Variants in DCC observed in about 807,000 individuals in gnomAD.
DCC encodes DCC netrin 1 receptor.
Under a neutral mutation model 172.5 loss-of-function variants are expected in DCC, and 58 were observed. The ratio of observed to expected loss-of-function variants is 0.34; its 90% CI spans 0.27 to 0.42. The LOEUF (loss-of-function observed/expected upper bound fraction) is 0.42. DCC is among the 10% of genes least tolerant of loss of function. The pLI, the probability that DCC is intolerant of heterozygous loss-of-function variation, is 1.00. For missense variants in DCC, 1,740 were observed against 1,791.0 expected (o/e 0.97, Z 0.51); for synonymous variants, 709 against 644.5 (o/e 1.10, Z -1.52).
intron 1 of DCC, among the ~76,000 whole-genome samples, chr18:52,701,719 A>AC (rs61138901): frequency 0.91 from 138,960 of 152,156 alleles, 63,517 homozygotes; most frequent in Admixed American, 0.94. Context: ...ATTATGTTGG[A>AC]CTTTGTCACC....
At chr18:52,504,021 A>G (rs951016768) in intron 1 of DCC, among the ~76,000 whole-genome samples, 8 of 152,046 alleles carry the variant, frequency 5.3e-5, no homozygotes, top group Non-Finnish European at 7.4e-5. Context: ...TATAAACATA[A>G]ATGGAGCATT....
At chr18:53,381,342 G>T (rs1907716548) in intron 15 of DCC, among the ~76,000 whole-genome samples, 1 of 151,952 alleles carries the variant, frequency 6.6e-6, no homozygotes, top group African/African-American at 2.4e-5. Context: ...AAGCATCTGG[G>T]TGGTGGGAAC....
intron 1 of DCC, among the ~76,000 whole-genome samples, chr18:52,537,626 T>C (rs2032324339): frequency 6.6e-6 from 1 of 151,748 alleles, no homozygotes; most frequent in African/African-American, 2.4e-5. Flanking sequence ...CCAGCTTGTC[T>C]CACCAACTAT....
At chr18:52,806,996 C>T (rs2038097881) in intron 2 of DCC, among the ~76,000 whole-genome samples, 1 of 152,068 alleles carries the variant, frequency 6.6e-6, no homozygotes, top group Admixed American at 6.6e-5. Context: ...AAATCAAGAC[C>T]ACCCTGGCCA....
At chr18:53,416,065 T>C (rs1910293756) in intron 20 of DCC, 59 bp from the exon 21 acceptor site, 1 of 1,286,088 alleles carries the variant, frequency 7.8e-7, no homozygotes, top group African/African-American at 1.5e-5. Context: ...GTTTGATATG[T>C]CAGCTTTCTT....
At chr18:52,994,864 A>C (rs114139831) in intron 5 of DCC, among the ~76,000 whole-genome samples, 2,094 of 152,262 alleles carry the variant, frequency 0.014, 45 homozygotes, top group African/African-American at 0.048. Flanking sequence ...ACGTATGGTT[A>C]AAGACATCTT....
At chr18:52,756,572 C>A (rs1373872190) in intron 2 of DCC, among the ~76,000 whole-genome samples, 1 of 152,190 alleles carries the variant, frequency 6.6e-6, no homozygotes, top group Non-Finnish European at 1.5e-5. Flanking sequence ...CTATTGAAAA[C>A]TTTGTGATTA....
At chr18:53,405,015 C>A (rs575165562) in intron 19 of DCC, among the ~76,000 whole-genome samples, 1 of 151,948 alleles carries the variant, frequency 6.6e-6, no homozygotes, top group Non-Finnish European at 1.5e-5. Context: ...TAACAGGGAG[C>A]AAACAATAAG....
At chr18:52,650,230 C>T (rs1286301752) in intron 1 of DCC, among the ~76,000 whole-genome samples, 1 of 152,118 alleles carries the variant, frequency 6.6e-6, no homozygotes, top group Non-Finnish European at 1.5e-5. Context: ...CTGCCTGCCT[C>T]AGCCTCCTAC....
intron 1 of DCC, among the ~76,000 whole-genome samples, chr18:52,542,983 A>C (rs1345921904): frequency 1.3e-5 from 2 of 152,240 alleles, no homozygotes; most frequent in African/African-American, 4.8e-5. Flanking sequence ...CCTGCCCTTT[A>C]GTTCCATGAA....
intron 1 of DCC, among the ~76,000 whole-genome samples, chr18:52,515,616 A>AAAAAAAAAAAAAAAAAAAAT (rs2031608130): frequency 7.2e-6 from 1 of 139,664 alleles, no homozygotes; most frequent in Non-Finnish European, 1.6e-5. Context: ...CAAAAAAAAA[A>AAAAAAAAAAAAAAAAAAAAT]AAAAAAAAAA....
At chr18:53,120,587 T>C (rs1331691856) in intron 7 of DCC, among the ~76,000 whole-genome samples, 3 of 151,888 alleles carry the variant, frequency 2.0e-5, no homozygotes, top group African/African-American at 7.2e-5. Context: ...GAGGAAAAAT[T>C]GCTCTGCTAA....
intron 2 of DCC, among the ~76,000 whole-genome samples, chr18:52,861,612 T>C (rs986411017): frequency 1.3e-4 from 20 of 152,276 alleles, no homozygotes; most frequent in South Asian, 2.1e-4. Flanking sequence ...AATTCTTGAC[T>C]CTGGAAAACA....
intron 7 of DCC, among the ~76,000 whole-genome samples, chr18:53,092,058 C>T (rs771829071): frequency 1.7e-4 from 26 of 152,108 alleles, no homozygotes; most frequent in Admixed American, 2.6e-4. Context: ...CTAGGAAATT[C>T]AATACAGTAG....
At chr18:53,442,355 T>C (rs1912328136) in intron 22 of DCC, among the ~76,000 whole-genome samples, 2 of 152,206 alleles carry the variant, frequency 1.3e-5, no homozygotes, top group Admixed American at 6.5e-5. Context: ...TAAATTATTA[T>C]TATATCTGCT....
intron 5 of DCC, among the ~76,000 whole-genome samples, chr18:52,994,317 G>T (rs1032234105): frequency 1.3e-5 from 2 of 152,028 alleles, no homozygotes; most frequent in Non-Finnish European, 2.9e-5. Flanking sequence ...TTAGGAATGT[G>T]AGGAAAGTTG....
At chr18:53,321,018 T>C (rs2057405296) in intron 13 of DCC, among the ~76,000 whole-genome samples, 1 of 152,206 alleles carries the variant, frequency 6.6e-6, no homozygotes. Flanking sequence ...TAATCCTTTC[T>C]AACCATTATT....
At chr18:53,127,981 A>T (rs2043589956) in intron 7 of DCC, among the ~76,000 whole-genome samples, 1 of 152,178 alleles carries the variant, frequency 6.6e-6, no homozygotes, top group Non-Finnish European at 1.5e-5. Context: ...AGACTTTAAG[A>T]ACAATTTCAA....
intron 8 of DCC, among the ~76,000 whole-genome samples, chr18:53,168,239 A>T (rs1480176316): frequency 6.6e-6 from 1 of 152,152 alleles, no homozygotes; most frequent in African/African-American, 2.4e-5. Flanking sequence ...ATTATAAATC[A>T]TTCTACTATA....
Sources: allele counts gnomAD v4.1 joint callset (sites outside exome capture counted in the v4.1 genomes callset), GRCh38; gene constraint gnomAD v4.1.1; transcripts MANE v1.5; gene names NCBI Gene and HGNC (gene_info 2026-07-23, HGNC 2026-07-21).